The following FRMD4A variants were observed in gnomAD, a reference collection of about 807,000 sequenced individuals.
FRMD4A encodes the protein FERM domain-containing protein 4A.
FRMD4A carries 29 observed loss-of-function variants against 129.1 expected under a neutral mutation model. The observed-to-expected ratio is 0.22, with a 90% CI of 0.17 to 0.31. The LOEUF is 0.31. FRMD4A is among the 10% of genes least tolerant of loss of function. The pLI, the probability that FRMD4A is intolerant of heterozygous loss-of-function variation, is 1.00. For missense variants in FRMD4A, 1,272 were observed against 1,375.8 expected (o/e 0.92, Z 1.19); for synonymous variants, 634 against 571.6 (o/e 1.11, Z -1.56).
At chr10:14,299,475 T>A (rs1846115570) in intron 2 of FRMD4A, among the ~76,000 whole-genome samples, 1 of 152,186 alleles carries the variant, frequency 6.6e-6, no homozygotes, top group African/African-American at 2.4e-5. Context: ...AGGACCCACA[T>A]AATGCAAGGA....
chr10:13,750,113 A>AAAGAAATG (rs1554880655), intron 8 of FRMD4A, among the ~76,000 whole-genome samples: 3,151 of 106,742 alleles, frequency 0.03, 64 homozygotes, highest in Non-Finnish European at 0.043. Flanking sequence ...AGAAATGAAG[A>AAAGAAATG]AAGAAAGAAA....
chr10:13,894,209 G>A (rs2094732405), intron 2 of FRMD4A, among the ~76,000 whole-genome samples: 1 of 152,180 alleles, frequency 6.6e-6, no homozygotes, highest in South Asian at 2.1e-4. Context: ...GTCTCCAGCA[G>A]CCCTGTGAAT....
intron 2 of FRMD4A, among the ~76,000 whole-genome samples, chr10:14,010,983 A>C (rs549449111): frequency 3.9e-5 from 6 of 152,238 alleles, no homozygotes; most frequent in Non-Finnish European, 7.3e-5. Flanking sequence ...TCCATGGAGG[A>C]AATGCGTTTC....
intron 15 of FRMD4A, among the ~76,000 whole-genome samples, chr10:13,683,855 G>C (rs1183047847): frequency 6.6e-6 from 1 of 151,916 alleles, no homozygotes; most frequent in Non-Finnish European, 1.5e-5. Context: ...TGGGATTATA[G>C]TGCGCCACCA....
chr10:13,724,319 C>T (rs1328729261), intron 12 of FRMD4A, among the ~76,000 whole-genome samples: 4 of 151,828 alleles, frequency 2.6e-5, no homozygotes, highest in Non-Finnish European at 2.9e-5. Context: ...ACCCGGGAGG[C>T]GGACGTTGCA....
intron 3 of FRMD4A, among the ~76,000 whole-genome samples, chr10:13,855,100 T>G (rs2094195042): frequency 6.6e-6 from 1 of 152,166 alleles, no homozygotes; most frequent in South Asian, 2.1e-4. Flanking sequence ...AGCACAGATT[T>G]CACTTGGTAA....
At chr10:13,714,005 T>TAA (rs1250340971) in intron 12 of FRMD4A, among the ~76,000 whole-genome samples, 7,527 of 27,812 alleles carry the variant, frequency 0.27, 2,252 homozygotes, top group Non-Finnish European at 0.36. Flanking sequence ...TATACATATA[T>TAA]AATATACATA....
chr10:14,124,405 G>A (rs186246704), intron 2 of FRMD4A, among the ~76,000 whole-genome samples: 3 of 152,306 alleles, frequency 2.0e-5, no homozygotes, highest in Admixed American at 2.0e-4. Context: ...GCCGGACACG[G>A]TGCCTCATGC....
At chr10:13,802,758 G>C (rs2093281251) in intron 4 of FRMD4A, among the ~76,000 whole-genome samples, 1 of 152,162 alleles carries the variant, frequency 6.6e-6, no homozygotes, top group Admixed American at 6.5e-5. Flanking sequence ...ACAGGTGTTA[G>C]TCACCACACG....
chr10:14,045,028 G>A (rs1014009562), intron 2 of FRMD4A, among the ~76,000 whole-genome samples: 6 of 151,942 alleles, frequency 3.9e-5, no homozygotes, highest in Admixed American at 6.5e-5. Context: ...TCAGCCTCCC[G>A]AGTAGCTGGG....
At chr10:13,660,134 T>C (rs1421815719) in intron 20 of FRMD4A, among the ~76,000 whole-genome samples, 182 bp downstream of exon 20, 1 of 152,208 alleles carries the variant, frequency 6.6e-6, no homozygotes, top group Admixed American at 6.5e-5. Flanking sequence ...GTCACAAAAA[T>C]GTACCTCAAC....
chr10:13,920,384 T>A (rs75369520), intron 2 of FRMD4A, among the ~76,000 whole-genome samples: 9,478 of 152,256 alleles, frequency 0.062, 973 homozygotes, highest in African/African-American at 0.21. Flanking sequence ...CTTTAAGGTG[T>A]CCTTTACATC....
rs572837598 is a variant in FRMD4A at position 13,893,608 on chromosome 10, C to T, written c.46-34696G>A. Among the ~76,000 whole-genome samples, 23 of 152,126 alleles carry T rather than the reference C, an allele frequency of 1.5e-4. No homozygotes were observed. In the South Asian group the frequency reaches 1.7e-3, roughly 11 times the overall value. On this transcript the variant is annotated intron_variant, in intron 2 of 24. Coordinates refer to ENST00000357447, the MANE Select transcript of FRMD4A (RefSeq NM_018027.5). ...CACAATCTCGGCTCACTGCAGCCTC[C>T]CCTCCTGGGTTCAAGCGATTCTTCT...
chr10:14,236,738 G>A (rs1453456269), intron 2 of FRMD4A, among the ~76,000 whole-genome samples: 1 of 152,152 alleles, frequency 6.6e-6, no homozygotes, highest in Non-Finnish European at 1.5e-5. Context: ...GCGGTTCAGA[G>A]GATGGTCAGC....
intron 2 of FRMD4A, among the ~76,000 whole-genome samples, chr10:14,120,479 T>C (rs1297426392): frequency 6.6e-6 from 1 of 152,236 alleles, no homozygotes; most frequent in Admixed American, 6.5e-5. Context: ...AAATGTTTGC[T>C]GAATGAATAA....
At chr10:13,843,563 T>A (rs993468008) in intron 3 of FRMD4A, among the ~76,000 whole-genome samples, 3 of 152,200 alleles carry the variant, frequency 2.0e-5, no homozygotes, top group Non-Finnish European at 4.4e-5. Context: ...AGTGGCACGA[T>A]CTTGGCTCAC....
chr10:14,084,237 C>T (rs974785362), intron 2 of FRMD4A, among the ~76,000 whole-genome samples: 1 of 152,198 alleles, frequency 6.6e-6, no homozygotes, highest in Non-Finnish European at 1.5e-5. Flanking sequence ...ACCTCCGCCT[C>T]CTGGGTTCAA....
intron 15 of FRMD4A, among the ~76,000 whole-genome samples, chr10:13,682,031 G>A (rs1450998327): frequency 6.6e-6 from 1 of 151,726 alleles, no homozygotes; most frequent in Non-Finnish European, 1.5e-5. Flanking sequence ...ACCATCTTGG[G>A]CAACATAGCC....
intron 2 of FRMD4A, among the ~76,000 whole-genome samples, chr10:13,950,400 T>C (rs190402790): frequency 5.5e-4 from 84 of 152,350 alleles, no homozygotes; most frequent in African/African-American, 2.0e-3. Flanking sequence ...ATTCAACTAA[T>C]TTAACACTGT....
Sources: gnomAD v4.1 joint callset for allele counts (sites outside exome capture counted in the v4.1 genomes callset) on GRCh38, gnomAD v4.1.1 for gene constraint, MANE v1.5 for transcripts, NCBI Gene and HGNC (gene_info 2026-07-23, HGNC 2026-07-21) for gene names.